Variants in UBE3C observed in about 807,000 individuals in gnomAD.
UBE3C encodes ubiquitin-protein ligase E3C.
A neutral mutation model predicts 129.4 loss-of-function variants in UBE3C; 42 were observed. The ratio of observed to expected loss-of-function variants is 0.32; its 90% confidence interval spans 0.25 to 0.42. The LOEUF is 0.42. Ranked by LOEUF, UBE3C falls within the 10% of genes least tolerant of loss-of-function variation. UBE3C has a pLI of 1.00. For synonymous variants in UBE3C, 510 were observed against 492.4 expected, an observed-to-expected ratio of 1.04 and a Z score of -0.47; for missense variants, 1,049 against 1,319.1, an observed-to-expected ratio of 0.80 and a Z score of 3.17.
At chr7:157,242,253 C>T (rs972308769) in intron 18 of UBE3C, among the ~76,000 whole-genome samples, 6 of 152,142 alleles carry the variant, frequency 3.9e-5, no homozygotes, top group East Asian at 1.9e-4. Flanking sequence ...TGGATGCTTT[C>T]GTTCTAAAGC....
intron 2 of UBE3C, among the ~76,000 whole-genome samples, chr7:157,165,390 G>A (rs1808185489): frequency 7.0e-6 from 1 of 143,302 alleles, no homozygotes; most frequent in South Asian, 2.2e-4. Context: ...GATCTCTTTA[G>A]CATTGACTTT....
chr7:157,220,909 A>G, intron 15 of UBE3C, 133 bp downstream of exon 15: 1 of 1,086,450 alleles, frequency 9.2e-7, no homozygotes, highest in Non-Finnish European at 1.3e-6. Flanking sequence ...TACCATGTAG[A>G]AAAGTTTCAT....
In UBE3C at chr7:157,139,386, C is replaced by T. The variant is rs538089816; in HGVS notation, c.66+48C>T. On this transcript the variant is annotated intron_variant, in intron 1 of 22. Coordinates refer to ENST00000348165, the MANE Select transcript of UBE3C (RefSeq NM_014671.3). ...GCCCTCGGCTCGGGGCCTGCGCGGCCGGGGCTCGGGGCTGGGACTCGGGGC... is the reference window on the plus strand; with the variant it reads ...GCCCTCGGCTCGGGGCCTGCGCGGCTGGGGCTCGGGGCTGGGACTCGGGGC... The T allele has an allele frequency of 2.9e-3, 4,310 of 1,506,898 alleles. 116 individuals carry two copies. The African/African-American group carries it at 0.056, about 20-fold the overall frequency. 93.3% of individuals were successfully genotyped at this position (1,506,898 alleles called of 1,614,324 possible).
rs150027479 is a variant in UBE3C at position 157,183,737 on chromosome 7, C to G, written c.992-141C>G. 5.0e-4 allele frequency: 521 copies of G among 1,041,912 alleles called. 3 individuals are homozygous for G. In the African/African-American group the frequency reaches 7.3e-3, roughly 15 times the overall value. 64.5% of individuals were successfully genotyped at this position (1,041,912 alleles called of 1,614,324 possible). Reference sequence around the variant, plus strand: ...CGGGGACAAAATCTAAATATGTTTCCTATTATAACACAGTTAGAATTTTAA... The same window carrying G: ...CGGGGACAAAATCTAAATATGTTTCGTATTATAACACAGTTAGAATTTTAA... On this transcript the variant is annotated intron_variant, in intron 8 of 22. Coordinates refer to ENST00000348165, the MANE Select transcript of UBE3C (RefSeq NM_014671.3).
chr7:157,151,841 C>A (rs1053142744), intron 1 of UBE3C, among the ~76,000 whole-genome samples: 3 of 152,146 alleles, frequency 2.0e-5, no homozygotes, highest in Non-Finnish European at 4.4e-5. Context: ...GTAGCCACAT[C>A]ATGACAGGGA....
At chr7:157,213,907 ATACTT>A (rs1219803076) in intron 13 of UBE3C, among the ~76,000 whole-genome samples, 1 of 152,252 alleles carries the variant, frequency 6.6e-6, no homozygotes, top group African/African-American at 2.4e-5. Context: ...TATTGTGGAC[ATACTT>A]TAAAGAAAGC....
chr7:157,200,155 G>C (rs1214148810), intron 10 of UBE3C, among the ~76,000 whole-genome samples: 1 of 152,136 alleles, frequency 6.6e-6, no homozygotes, highest in Non-Finnish European at 1.5e-5. Context: ...TGGAAAGATG[G>C]CTGGGCTGAA....
chr7:157,204,481 A>C (rs1480375333), intron 11 of UBE3C, among the ~76,000 whole-genome samples: 1 of 151,816 alleles, frequency 6.6e-6, no homozygotes, highest in African/African-American at 2.4e-5. Flanking sequence ...GCAACCTCAC[A>C]AGCTTATCAG....
chr7:157,174,580 A>G (rs1347186736), intron 4 of UBE3C, among the ~76,000 whole-genome samples: 6 of 151,998 alleles, frequency 3.9e-5, no homozygotes, highest in Non-Finnish European at 7.4e-5. Flanking sequence ...AGCCTCTCGA[A>G]TAGCTGGGAC....
At chr7:157,196,287 G>C (rs1188078296) in intron 10 of UBE3C, among the ~76,000 whole-genome samples, 1 of 152,236 alleles carries the variant, frequency 6.6e-6, no homozygotes, top group Non-Finnish European at 1.5e-5. Context: ...CTATAGAATT[G>C]TTAAGATAAT....
intron 21 of UBE3C, among the ~76,000 whole-genome samples, chr7:157,255,960 AC>A (rs1796740502): frequency 6.6e-6 from 1 of 152,172 alleles, no homozygotes; most frequent in Non-Finnish European, 1.5e-5. Context: ...CTGTGTTAGT[AC>A]TAGACACCCA....
At chr7:157,178,452 T>C (rs1808582186) in intron 5 of UBE3C, among the ~76,000 whole-genome samples, 1 of 152,242 alleles carries the variant, frequency 6.6e-6, no homozygotes, top group South Asian at 2.1e-4. Flanking sequence ...CCATTTTTCT[T>C]GTCTGTGAAC....
intron 9 of UBE3C, among the ~76,000 whole-genome samples, chr7:157,186,433 A>G (rs1291604363): frequency 6.6e-6 from 1 of 151,312 alleles, no homozygotes; most frequent in Non-Finnish European, 1.5e-5. Flanking sequence ...AAAAAAATTT[A>G]TGTAATACTC....
intron 13 of UBE3C, among the ~76,000 whole-genome samples, chr7:157,215,201 C>G (rs1809700966): frequency 6.6e-6 from 1 of 152,132 alleles, no homozygotes; most frequent in Non-Finnish European, 1.5e-5. Flanking sequence ...TCGAATAACA[C>G]TTTTTCTCTG....
At chr7:157,144,026 C>CAGTG (rs1398525097) in intron 1 of UBE3C, among the ~76,000 whole-genome samples, 1 of 152,122 alleles carries the variant, frequency 6.6e-6, no homozygotes, top group Non-Finnish European at 1.5e-5. Flanking sequence ...CACAGTGAGT[C>CAGTG]CACTGACTGC....
At chr7:157,182,854 T>A (rs1397768790) in intron 8 of UBE3C, among the ~76,000 whole-genome samples, 1 of 152,110 alleles carries the variant, frequency 6.6e-6, no homozygotes, top group Non-Finnish European at 1.5e-5. Flanking sequence ...GTTCAAGTGA[T>A]TCTCCTGCCT....
chr7:157,221,317 G>GT (rs1235869511), intron 15 of UBE3C: 2 of 153,368 alleles, frequency 1.3e-5, no homozygotes, highest in East Asian at 3.8e-4. Flanking sequence ...GCAAGTTTAT[G>GT]TTTAACTTGA....
chr7:157,219,389 A>G (rs1795673656), intron 14 of UBE3C, among the ~76,000 whole-genome samples: 1 of 152,198 alleles, frequency 6.6e-6, no homozygotes, highest in Non-Finnish European at 1.5e-5. Flanking sequence ...TCTGCAGTGA[A>G]AAGCAGAGAT....
intron 17 of UBE3C, among the ~76,000 whole-genome samples, chr7:157,230,817 T>C (rs2116636405): frequency 6.6e-6 from 1 of 152,176 alleles, no homozygotes; most frequent in Non-Finnish European, 1.5e-5. Context: ...AAGCTTGCTG[T>C]AGATTCTGGA....
Sources: allele counts gnomAD v4.1 joint callset (sites outside exome capture counted in the v4.1 genomes callset), GRCh38; gene constraint gnomAD v4.1.1; transcripts MANE v1.5; gene names NCBI Gene and HGNC (gene_info 2026-07-23, HGNC 2026-07-21).